MUC7: variants seen among roughly 807,000 people sequenced by gnomAD.
MUC7 encodes mucin-7.
A neutral mutation model predicts 2.5 loss-of-function variants in MUC7; 2 were observed. The ratio of observed to expected loss-of-function variants is 0.81; its 90% CI spans 0.33 to 2.55. The LOEUF (loss-of-function observed/expected upper bound fraction) is 2.55. Ranked by LOEUF, MUC7 falls within the 30% of genes most tolerant of loss-of-function variation. MUC7 has a pLI of 0.11. For missense variants in MUC7, 408 were observed against 455.6 expected, an observed-to-expected ratio of 0.90 and a Z score of 0.95; for synonymous variants, 133 against 173.4, an observed-to-expected ratio of 0.77 and a Z score of 1.83.
At chr4:70,460,042 A>G (rs190759473) in intron 1 of MUC7, among the ~76,000 whole-genome samples, 4 of 152,326 alleles carry the variant, frequency 2.6e-5, no homozygotes, top group Admixed American at 2.0e-4. Context: ...GAATACAAAG[A>G]CTTCCTAAAT....
At chr4:70,468,579 A>C (rs577661087), upstream of MUC7, among the ~76,000 whole-genome samples, 185 of 152,334 alleles carry the variant, frequency 1.2e-3, no homozygotes, top group African/African-American at 4.0e-3. Flanking sequence ...CTACAAAATC[A>C]ATGGGCAAAA....
chr4:70,480,335 G>T (rs1185914098), intron 2 of MUC7, among the ~76,000 whole-genome samples: 1 of 152,166 alleles, frequency 6.6e-6, no homozygotes, highest in Non-Finnish European at 1.5e-5. Flanking sequence ...TTGTTGTTTG[G>T]CTGTTTCGTA....
chr4:70,436,838 T>A (rs1002862725), intron 1 of MUC7, among the ~76,000 whole-genome samples: 1 of 152,242 alleles, frequency 6.6e-6, no homozygotes, highest in Non-Finnish European at 1.5e-5. Context: ...TATGGTTTTA[T>A]CTATCTTTGG....
At chr4:70,456,474 G>A (rs1734417648) in intron 1 of MUC7, among the ~76,000 whole-genome samples, 1 of 152,172 alleles carries the variant, frequency 6.6e-6, no homozygotes, top group South Asian at 2.1e-4. Context: ...ATGACTGGGA[G>A]CAGGACTCAG....
At position 70,435,074 on chromosome 4, in the gene MUC7, G is replaced by A. The variant is rs547972912; in HGVS notation, c.-93+4387G>A. 5.3e-5 allele frequency among the ~76,000 whole-genome samples: 8 copies of A among 152,312 alleles called. No individual in the cohort carries two copies. In the East Asian group the frequency reaches 1.5e-3, roughly 29 times the overall value. On this transcript the variant is annotated intron_variant, in intron 1 of 3. Coordinates refer to the MUC7 transcript ENST00000413702. ...TGATTGCACTGTGGTCTAAGAGACA[G>A]TTTGTTGTGATTTCTGTTCTTTTAT...
intron 1 of MUC7, among the ~76,000 whole-genome samples, chr4:70,464,719 A>C (rs1734639774): frequency 6.6e-6 from 1 of 152,168 alleles, no homozygotes; most frequent in Non-Finnish European, 1.5e-5. Context: ...TAGGCACGGC[A>C]TCTCTGAAAG....
intron 1 of MUC7, among the ~76,000 whole-genome samples, chr4:70,457,259 A>G (rs1006520395): frequency 7.9e-5 from 12 of 152,228 alleles, no homozygotes; most frequent in Admixed American, 6.5e-5. Flanking sequence ...CCTGTACAAC[A>G]TAGTGAGACA....
intron 2 of MUC7, among the ~76,000 whole-genome samples, chr4:70,474,333 G>T (rs989318337): frequency 6.6e-6 from 1 of 152,018 alleles, no homozygotes; most frequent in Non-Finnish European, 1.5e-5. Context: ...AACATAATGA[G>T]ACAGTATCTC....
upstream of MUC7, chr4:70,471,881 A>G (rs1396962393): frequency 6.6e-6 from 1 of 152,166 alleles, no homozygotes; most frequent in Non-Finnish European, 1.5e-5. Context: ...AGAGCCCAAC[A>G]GGAAAGAGTG....
chr4:70,440,504 A>G (rs1473650769), intron 1 of MUC7, among the ~76,000 whole-genome samples: 1 of 152,208 alleles, frequency 6.6e-6, no homozygotes, highest in African/African-American at 2.4e-5. Context: ...AACAAAAACA[A>G]AAGGAGAAGA....
At chr4:70,450,729 C>A (rs1376922421) in intron 1 of MUC7, among the ~76,000 whole-genome samples, 1 of 152,084 alleles carries the variant, frequency 6.6e-6, no homozygotes, top group East Asian at 1.9e-4. Flanking sequence ...CAGAGTGTGT[C>A]AAGAAAGGTT....
Position 70,482,514 on chromosome 4 carries a change from C to T in MUC7, c.*636C>T, listed in dbSNP as rs1468129138. 6.6e-6 allele frequency: 1 copy of T among 152,330 alleles called. No individual in the cohort carries two copies. The highest frequency in any genetic ancestry group is 2.4e-5 in the African/African-American group (1 of 41,440). The allele number at this position is 152,330 out of a possible 1,614,324, so 9.4% of individuals were successfully genotyped here. On this transcript the variant is annotated 3_prime_UTR_variant, in exon 3 of 3. Transcript: ENST00000304887. Reference sequence around the variant, plus strand: ...GACAATAAAGTCTGTCAGCCAAGCACGAACCAAGACTGGCACTATTTTTCT... The same window carrying T: ...GACAATAAAGTCTGTCAGCCAAGCATGAACCAAGACTGGCACTATTTTTCT...
At chr4:70,473,848 T>A (rs998805273) in intron 1 of MUC7, among the ~76,000 whole-genome samples, 159 bp from the exon 2 acceptor site, 5 of 152,106 alleles carry the variant, frequency 3.3e-5, no homozygotes, top group African/African-American at 1.2e-4. Flanking sequence ...CTGAAGCAAT[T>A]TTGCATCACC....
Position 70,481,367 on chromosome 4 carries a change from C to T in MUC7, c.623C>T (p.Pro208Leu). ...CAAGCTCCACCATCTTCCTCAGCTC[C>T]ACCAGAGACCACAGCTGCCCCACCC... Reference protein sequence around the residue: ...TTQAPPSSSAPPETTAAPPTP... With the variant: ...TTQAPPSSSALPETTAAPPTP... Residue 208 changes from proline (P) to leucine (L), a missense_variant, in exon 3 of 3, where the codon CCA becomes CTA. Coordinates refer to ENST00000304887, the MANE Select transcript of MUC7 (RefSeq NM_152291.3). The T allele has an allele frequency of 6.2e-7, 1 of 1,613,330 alleles. No homozygotes were observed. The highest frequency in any genetic ancestry group is 1.1e-5 in the South Asian group (1 of 91,018).
chr4:70,468,875 T>C (rs58160302), upstream of MUC7, among the ~76,000 whole-genome samples: 46,875 of 151,980 alleles, frequency 0.31, 7,381 homozygotes, highest in East Asian at 0.37. Context: ...CAAGCTACCA[T>C]TGACCTTCTT....
intron 1 of MUC7, among the ~76,000 whole-genome samples, chr4:70,451,575 A>G (rs1423142523): frequency 6.6e-6 from 1 of 151,948 alleles, no homozygotes; most frequent in East Asian, 1.9e-4. Context: ...ACTTTCCAAA[A>G]TTACTCTTAT....
chr4:70,443,950 T>C (rs1209598715), intron 1 of MUC7, among the ~76,000 whole-genome samples: 1 of 152,152 alleles, frequency 6.6e-6, no homozygotes, highest in African/African-American at 2.4e-5. Context: ...CATAATCCAG[T>C]TCTTTCTTGT....
upstream of MUC7, among the ~76,000 whole-genome samples, chr4:70,467,293 C>A (rs1007311754): frequency 6.6e-6 from 1 of 152,088 alleles, no homozygotes; most frequent in East Asian, 1.9e-4. Flanking sequence ...ACTAAATGCC[C>A]ACAAGAGAAA....
In MUC7 at chr4:70,481,196, T is replaced by C. The variant is rs1267421766; in HGVS notation, c.452T>C (p.Val151Ala). ...SRENVNTSSS[V>A]ATLAPVNSPA... ...GAAAATGTTAACACAAGCTCTTCTG[T>C]AGCTACATTAGCACCAGTGAATTCC... The change falls in exon 3 of 3, where the codon GTA (valine) becomes GCA (alanine). Residue 151 changes from valine (V) to alanine (A), a missense_variant. By Grantham distance (64) the Val-to-Ala change is moderately conservative. Coordinates refer to ENST00000304887, the MANE Select transcript of MUC7 (RefSeq NM_152291.3). 1 of 1,613,992 alleles carries C rather than the reference T, an allele frequency of 6.2e-7. No individual in the cohort carries two copies. Among genetic ancestry groups the C allele is most frequent in the African/African-American group, 1.3e-5 (1 of 74,914 alleles).
Sources: allele counts gnomAD v4.1 joint callset (sites outside exome capture counted in the v4.1 genomes callset), GRCh38; gene constraint gnomAD v4.1.1; transcripts MANE v1.5; gene names NCBI Gene and HGNC (gene_info 2026-07-23, HGNC 2026-07-21).